The following NELL1 variants were observed in gnomAD, a reference collection of about 807,000 sequenced individuals.
NELL1 encodes the protein protein kinase C-binding protein NELL1.
Under a neutral mutation model 107.4 loss-of-function variants are expected in NELL1, and 76 were observed. The observed-to-expected ratio is 0.71, with a 90% CI of 0.59 to 0.86. The LOEUF is 0.86. Ranked by LOEUF, NELL1 falls within the 40% of genes least tolerant of loss-of-function variation. The pLI is 0.00. For missense variants in NELL1, 1,024 were observed against 1,005.5 expected (o/e 1.02, Z -0.25); for synonymous variants, 353 against 341.2 (o/e 1.03, Z -0.38).
chr11:21,328,379 G>A (rs1850193328), intron 14 of NELL1, among the ~76,000 whole-genome samples: 3 of 152,160 alleles, frequency 2.0e-5, no homozygotes, highest in Non-Finnish European at 4.4e-5. Context: ...CAGAAGTCAA[G>A]AATTGAGGTT....
chr11:21,127,178 A>G (rs12282210), intron 13 of NELL1, among the ~76,000 whole-genome samples: 36,042 of 152,116 alleles, frequency 0.24, 4,441 homozygotes, highest in Middle Eastern at 0.32. Flanking sequence ...CCTTAGAGGG[A>G]ATTCGCAACA....
At chr11:20,725,672 A>T (rs935913619) in intron 2 of NELL1, among the ~76,000 whole-genome samples, 1 of 152,232 alleles carries the variant, frequency 6.6e-6, no homozygotes, top group African/African-American at 2.4e-5. Context: ...TGTTAATTGC[A>T]GAATAAAAAT....
chr11:20,803,513 C>T (rs1194065832), intron 3 of NELL1, among the ~76,000 whole-genome samples: 1 of 152,062 alleles, frequency 6.6e-6, no homozygotes, highest in Non-Finnish European at 1.5e-5. Flanking sequence ...TTTCATTGAT[C>T]TTTTGTATTG....
intron 14 of NELL1, among the ~76,000 whole-genome samples, chr11:21,269,220 C>T (rs1317320653): frequency 6.6e-6 from 1 of 151,710 alleles, no homozygotes; most frequent in Non-Finnish European, 1.5e-5. Flanking sequence ...AAGAAGAAAA[C>T]AAAAAGAAAC....
chr11:21,199,369 T>C (rs992955020), intron 13 of NELL1, among the ~76,000 whole-genome samples: 2 of 152,164 alleles, frequency 1.3e-5, no homozygotes, highest in African/African-American at 2.4e-5. Context: ...GAAAACCTAA[T>C]AACTTCCTAA....
chr11:21,322,927 C>T (rs1590836287), intron 14 of NELL1, among the ~76,000 whole-genome samples: 1 of 151,752 alleles, frequency 6.6e-6, no homozygotes, highest in Non-Finnish European at 1.5e-5. Context: ...CTCTGCTATC[C>T]TTTAAGTGAA....
chr11:21,202,094 T>C (rs1029039498), intron 13 of NELL1, among the ~76,000 whole-genome samples: 4 of 152,302 alleles, frequency 2.6e-5, no homozygotes, highest in African/African-American at 9.6e-5. Context: ...TTTTCTTTTT[T>C]TGTTGTATCT....
At chr11:20,959,826 A>T (rs1231698915) in intron 11 of NELL1, among the ~76,000 whole-genome samples, 1 of 152,188 alleles carries the variant, frequency 6.6e-6, no homozygotes, top group Non-Finnish European at 1.5e-5. Context: ...AATATTTTTT[A>T]AAAAAGCATA....
chr11:20,893,876 A>G (rs1849671219), intron 5 of NELL1, among the ~76,000 whole-genome samples: 1 of 151,650 alleles, frequency 6.6e-6, no homozygotes, highest in Non-Finnish European at 1.5e-5. Flanking sequence ...AAAAAAGAAA[A>G]ATAGGCCAAA....
intron 9 of NELL1, among the ~76,000 whole-genome samples, chr11:20,929,619 T>G (rs1049134256): frequency 5.9e-5 from 9 of 152,152 alleles, no homozygotes; most frequent in African/African-American, 2.2e-4. Context: ...TGGAGAGAGT[T>G]GTTAGTAGGT....
intron 13 of NELL1, among the ~76,000 whole-genome samples, chr11:21,131,167 G>C (rs1298694846): frequency 2.0e-5 from 3 of 151,924 alleles, no homozygotes; most frequent in Non-Finnish European, 2.9e-5. Flanking sequence ...CTACCCGTTT[G>C]TTCACTTCTG....
intron 14 of NELL1, among the ~76,000 whole-genome samples, chr11:21,292,481 AT>A (rs1388198693): frequency 1.3e-5 from 2 of 152,200 alleles, no homozygotes; most frequent in Non-Finnish European, 2.9e-5. Flanking sequence ...AAGAATCAGT[AT>A]CGTGAAAATG....
At chr11:20,991,990 G>GTAAAAAAAAAAAAAAAAAAA (rs769434874) in intron 12 of NELL1, among the ~76,000 whole-genome samples, 1 of 66,234 alleles carries the variant, frequency 1.5e-5, no homozygotes, top group African/African-American at 7.2e-5. Flanking sequence ...AGTGTAGCAT[G>GTAAAAAAAAAAAAAAAAAAA]CAAAAAAAAA....
intron 12 of NELL1, among the ~76,000 whole-genome samples, chr11:21,097,313 C>T (rs1347935379): frequency 6.6e-6 from 1 of 152,124 alleles, no homozygotes; most frequent in Admixed American, 6.6e-5. Flanking sequence ...AGCACTCAGG[C>T]AAAAGTTTAA....
intron 5 of NELL1, among the ~76,000 whole-genome samples, chr11:20,890,637 C>G (rs1849598802): frequency 6.6e-6 from 1 of 151,884 alleles, no homozygotes; most frequent in South Asian, 2.1e-4. Context: ...GAATTGCTAA[C>G]CAGAATAACC....
At chr11:20,990,642 G>A (rs1371796203) in intron 12 of NELL1, among the ~76,000 whole-genome samples, 3 of 152,150 alleles carry the variant, frequency 2.0e-5, no homozygotes, top group Non-Finnish European at 4.4e-5. Context: ...CTCTTAGAAG[G>A]TCAAAGCATT....
In NELL1 at chr11:21,089,624, G is replaced by A. The variant is rs186320203; in HGVS notation, c.1301-23965G>A. Among the ~76,000 whole-genome samples the A allele has an allele frequency of 7.1e-3, 1,080 of 152,280 alleles. 2 individuals carry two copies. The highest frequency in any genetic ancestry group is 0.011 in the African/African-American group (471 of 41,568). On this transcript the variant is annotated intron_variant, in intron 12 of 19. Transcript: ENST00000357134. The stretch of plus-strand genomic sequence containing the variant: ...CTTGTGGCAAGGTAATCCATCTGCC[G>A]TTATTTGTTTCTGCAAGCTGCAAAG...
At chr11:20,854,390 G>A (rs904837714) in intron 4 of NELL1, among the ~76,000 whole-genome samples, 1 of 152,070 alleles carries the variant, frequency 6.6e-6, no homozygotes, top group African/African-American at 2.4e-5. Flanking sequence ...TCTTATTTCA[G>A]GGCTTGCATT....
At position 21,534,483 on chromosome 11, in the gene NELL1, G is replaced by A. The variant is rs577616666; in HGVS notation, c.1755G>A (p.Gly585=). The part of the protein sequence containing the change: ...CECRSGFHDD[G]TYSLSGESCI... ...GCAGAAGCGGTTTCCATGACGATGG[G>A]ACCTATTCACTGTCCGGGGAGTCCT... The change falls in exon 16 of 20, where the codon GGG becomes GGA. Residue 585 remains glycine, a synonymous_variant. Transcript: ENST00000357134. 6.6e-5 allele frequency: 107 copies of A among 1,613,830 alleles called. No individual in the cohort carries two copies. In the Middle Eastern group the frequency reaches 3.6e-3, roughly 55 times the overall value.
Sources: allele counts gnomAD v4.1 joint callset (sites outside exome capture counted in the v4.1 genomes callset), GRCh38; gene constraint gnomAD v4.1.1; transcripts MANE v1.5; gene names NCBI Gene and HGNC (gene_info 2026-07-23, HGNC 2026-07-21).